MTHFS: variants seen among roughly 807,000 people sequenced by gnomAD.
MTHFS encodes 5-formyltetrahydrofolate cyclo-ligase.
MTHFS carries 7 observed loss-of-function variants against 12.7 expected under a neutral mutation model. That is an observed-to-expected ratio of 0.55 (90% confidence interval 0.31 to 1.03). The LOEUF (loss-of-function observed/expected upper bound fraction) is 1.03, where lower values mean the gene tolerates loss of function less well. Ranked by LOEUF, MTHFS falls within the 50% of genes least tolerant of loss-of-function variation. The probability of loss-of-function intolerance (pLI) is 0.05; values close to 1 mark genes in which losing one functional copy is unlikely to be tolerated. For synonymous variants in MTHFS, 100 were observed against 97.1 expected, an observed-to-expected ratio of 1.03 and a Z score of -0.18; for missense variants, 252 against 258.1, an observed-to-expected ratio of 0.98 and a Z score of 0.16.
rs962981169 is a variant in MTHFS, at chr15:79,845,015, T to G, written c.*195A>C. Reference sequence around the variant, plus strand: ...ACAGGCTGATAGCCTCCATTTTAATTAATATTCTACTATTCACACTTCTAT... The same window carrying G: ...ACAGGCTGATAGCCTCCATTTTAATGAATATTCTACTATTCACACTTCTAT... On this transcript the variant is annotated 3_prime_UTR_variant, in exon 3 of 3. Coordinates refer to ENST00000258874, the MANE Select transcript of MTHFS (RefSeq NM_006441.4). The G allele has an allele frequency of 4.0e-6, 3 of 746,306 alleles. No individual in the cohort carries two copies. Among genetic ancestry groups the G allele is most frequent in the Non-Finnish European group, 6.2e-6 (3 of 483,312 alleles). The allele number at this position is 746,306 out of a possible 1,614,324, so 46.2% of individuals were successfully genotyped here.
chr15:79,866,427 C>T (rs2034011985), intron 2 of MTHFS, among the ~76,000 whole-genome samples: 1 of 151,922 alleles, frequency 6.6e-6, no homozygotes, highest in Non-Finnish European at 1.5e-5. Flanking sequence ...CTGGATAAAG[C>T]ATAATGAAAA....
chr15:79,846,990 T>C (rs556164600), intron 2 of MTHFS, among the ~76,000 whole-genome samples: 2 of 152,316 alleles, frequency 1.3e-5, no homozygotes, highest in East Asian at 1.9e-4. Flanking sequence ...GTACAAAATA[T>C]AACCGCATGT....
Position 79,889,315 on chromosome 15 carries a change from A to C in MTHFS, c.157T>G (p.Ser53Ala). 1.9e-6 allele frequency: 3 copies of C among 1,614,130 alleles called. No homozygotes were observed. The highest frequency in any genetic ancestry group is 2.5e-6 in the Non-Finnish European group (3 of 1,180,018). The change falls in exon 2 of 3, where the codon TCC (serine) becomes GCC (alanine). Residue 53 changes from serine to alanine, a missense_variant. Ser to Ala is a moderately conservative substitution (Grantham distance 99, BLOSUM62 1). Coordinates refer to ENST00000258874, the MANE Select transcript of MTHFS (RefSeq NM_006441.4). ...TCATCTTGCATGCTCAGAAAGATGG[A>C]AATTCTTTTGGACTTTTGATACTCA... ...HSEYQKSKRI[S>A]IFLSMQDEIE... is the part of the protein sequence containing the mutation.
chr15:79,882,151 T>C (rs926388296), intron 2 of MTHFS, among the ~76,000 whole-genome samples: 3 of 152,232 alleles, frequency 2.0e-5, no homozygotes, highest in African/African-American at 7.2e-5. Context: ...AAGAAACACG[T>C]GTTAAAGGTT....
At chr15:79,864,624 G>A (rs1383628496) in intron 2 of MTHFS, among the ~76,000 whole-genome samples, 4 of 141,564 alleles carry the variant, frequency 2.8e-5, no homozygotes, top group Non-Finnish European at 6.0e-5. Flanking sequence ...TCATAGACCT[G>A]TACACGCTTT....
chr15:79,896,930 C>G lies in MTHFS; in HGVS notation c.59G>C (p.Arg20Pro). The change falls in exon 1 of 3, where the codon CGT becomes CCT. Residue 20 changes from arginine to proline, a missense_variant. By Grantham distance (103) the Arg-to-Pro change is moderately radical. Coordinates refer to ENST00000258874, the MANE Select transcript of MTHFS (RefSeq NM_006441.4). ...KRSLRGELKQRLRAMSAEERL... is the reference protein window; with the variant it reads ...KRSLRGELKQPLRAMSAEERL... Reference sequence around the variant, plus strand: ...CTCCTCGGCACTCATCGCCCGCAGACGCTGCTTCAGCTCTCCCCGCAGGCT... The same window carrying G: ...CTCCTCGGCACTCATCGCCCGCAGAGGCTGCTTCAGCTCTCCCCGCAGGCT... The G allele has an allele frequency of 6.5e-7, 1 of 1,540,970 alleles. No homozygotes were observed. Among genetic ancestry groups the G allele is most frequent in the South Asian group, 1.2e-5 (1 of 83,934 alleles).
intron 2 of MTHFS, among the ~76,000 whole-genome samples, chr15:79,879,970 G>A (rs2034268806): frequency 6.6e-6 from 1 of 152,190 alleles, no homozygotes; most frequent in African/African-American, 2.4e-5. Flanking sequence ...CCAAAGTAAT[G>A]ACATGGGCAG....
chr15:79,892,146 T>C (rs1366681081), intron 1 of MTHFS, among the ~76,000 whole-genome samples: 2 of 152,056 alleles, frequency 1.3e-5, no homozygotes, highest in Non-Finnish European at 2.9e-5. Context: ...CCCCCAAAGA[T>C]ACTTTCTCAA....
chr15:79,888,013 G>A (rs2034409801), intron 2 of MTHFS, among the ~76,000 whole-genome samples: 1 of 152,160 alleles, frequency 6.6e-6, no homozygotes, highest in Non-Finnish European at 1.5e-5. Flanking sequence ...AGCGAAGACT[G>A]CATAAAGTTG....
intron 2 of MTHFS, among the ~76,000 whole-genome samples, chr15:79,854,226 A>G (rs1407638562): frequency 1.3e-5 from 2 of 152,240 alleles, no homozygotes; most frequent in Non-Finnish European, 2.9e-5. Flanking sequence ...GAAACTAGAA[A>G]AGATTAATAA....
chr15:79,866,494 G>A (rs2034013002), intron 2 of MTHFS, among the ~76,000 whole-genome samples: 2 of 152,206 alleles, frequency 1.3e-5, no homozygotes, highest in South Asian at 4.1e-4. Context: ...GGGAGCTGAT[G>A]TGGATGCTTC....
At chr15:79,849,544 A>T (rs2033675222) in intron 2 of MTHFS, among the ~76,000 whole-genome samples, 1 of 152,250 alleles carries the variant, frequency 6.6e-6, no homozygotes, top group South Asian at 2.1e-4. Flanking sequence ...GGTAGACACC[A>T]GAGACACCTT....
intron 2 of MTHFS, among the ~76,000 whole-genome samples, chr15:79,855,635 A>G (rs190564716): frequency 3.2e-4 from 49 of 152,204 alleles, no homozygotes; most frequent in African/African-American, 1.2e-3. Flanking sequence ...TATAGTACCC[A>G]ATAGGTACTT....
In MTHFS at chr15:79,845,226, T is replaced by G. The variant is rs766661974; in HGVS notation, c.596A>C (p.Asp199Ala). The change falls in exon 3 of 3, where the codon GAC (aspartate) becomes GCC (alanine). Residue 199 changes from aspartate (D) to alanine (A), a missense_variant. Transcript: ENST00000258874. ...AATCCAGATTTAAGCTGTTGACGAG[T>G]CTTCGTAAAGGACTTCATCTACCTT... ...DMKVDEVLYEDSSTA is the reference protein window; with the variant it reads ...DMKVDEVLYEASSTA 1 of 1,614,034 alleles carries G rather than the reference T, an allele frequency of 6.2e-7. No homozygotes were observed. The highest frequency in any genetic ancestry group is 1.1e-5 in the South Asian group (1 of 91,088).
intron 2 of MTHFS, among the ~76,000 whole-genome samples, chr15:79,846,535 G>C (rs2033618700): frequency 6.6e-6 from 1 of 152,184 alleles, no homozygotes; most frequent in Non-Finnish European, 1.5e-5. Flanking sequence ...CAGATATTCT[G>C]ACTACCTGCA....
At position 79,896,924 on chromosome 15, in the gene MTHFS, C is replaced by A; in HGVS notation, c.65G>T (p.Arg22Leu). ...SLRGELKQRL[R>L]AMSAEERLRQ... ...TAGCCGCTCCTCGGCACTCATCGCC[C>A]GCAGACGCTGCTTCAGCTCTCCCCG... Residue 22 changes from arginine (R) to leucine (L), a missense_variant, in exon 1 of 3, where the codon CGG becomes CTG. Transcript: ENST00000258874. 6.5e-7 allele frequency: 1 copy of A among 1,541,956 alleles called. No individual in the cohort carries two copies.
At chr15:79,879,791 C>T (rs2586153) in intron 2 of MTHFS, among the ~76,000 whole-genome samples, 16,667 of 152,212 alleles carry the variant, frequency 0.11, 1,209 homozygotes, top group Admixed American at 0.2. Context: ...TATACACACA[C>T]ACATGCACAC....
chr15:79,848,441 T>A (rs1195264325), intron 2 of MTHFS, among the ~76,000 whole-genome samples: 1 of 152,150 alleles, frequency 6.6e-6, no homozygotes, highest in Non-Finnish European at 1.5e-5. Context: ...GTGCTTACAG[T>A]TAACAATACT....
chr15:79,877,450 C>T lies in MTHFS; in HGVS notation c.379+11643G>A, dbSNP rs568535757. 2.6e-5 allele frequency: 4 copies of T among 152,264 alleles called. No individual in the cohort carries two copies. The South Asian group carries it at 6.2e-4, about 24-fold the overall frequency. The allele number at this position is 152,264 out of a possible 1,614,324, so 9.4% of individuals were successfully genotyped here. A position where few individuals can be genotyped will look rare whatever the true frequency, so the allele number is the denominator to read the frequency against. The stretch of plus-strand genomic sequence containing the variant: ...GCACGGTGGCTCATGCCTGTAATCC[C>T]AGCACTTTGGGAAGCCACGGCGGGT... On this transcript the variant is annotated intron_variant, in intron 2 of 2. Transcript: ENST00000258874.
Sources: allele counts gnomAD v4.1 joint callset (sites outside exome capture counted in the v4.1 genomes callset), GRCh38; gene constraint gnomAD v4.1.1; transcripts MANE v1.5; gene names NCBI Gene and HGNC (gene_info 2026-07-23, HGNC 2026-07-21).